PGAP2: variants seen among roughly 807,000 people sequenced by gnomAD.
PGAP2 encodes the protein post-GPI attachment to proteins 2, also known as acyltransferase PGAP2.
Under a neutral mutation model 33.2 loss-of-function variants are expected in PGAP2, and 21 were observed. The observed-to-expected ratio is 0.63, with a 90% confidence interval of 0.45 to 0.91. PGAP2 has a LOEUF of 0.91. Ranked by LOEUF, PGAP2 falls within the 40% of genes least tolerant of loss-of-function variation. PGAP2 has a pLI of 0.00. For missense variants in PGAP2, 345 were observed against 424.0 expected, an observed-to-expected ratio of 0.81 and a Z score of 1.64; for synonymous variants, 161 against 172.9, an observed-to-expected ratio of 0.93 and a Z score of 0.54.
At chr11:3,806,759 T>C (rs1198163217), upstream of PGAP2, among the ~76,000 whole-genome samples, 1 of 152,084 alleles carries the variant, frequency 6.6e-6, no homozygotes, top group Non-Finnish European at 1.5e-5. Context: ...CGGAGGCTCA[T>C]GCCTGTAATC....
At chr11:3,823,824 G>T in intron 3 of PGAP2, 59 bp from the exon 4 acceptor site, 1 of 1,596,928 alleles carries the variant, frequency 6.3e-7, no homozygotes, top group Non-Finnish European at 8.5e-7. Flanking sequence ...TGGAGAGAAG[G>T]TTCTCCACAT....
chr11:3,823,373 A>G (rs16929735), intron 3 of PGAP2, among the ~76,000 whole-genome samples: 18,611 of 152,096 alleles, frequency 0.12, 3,765 homozygotes, highest in African/African-American at 0.42. Flanking sequence ...CAGGGGTGCC[A>G]TTCTACCACC....
chr11:3,808,554 C>T, upstream of PGAP2: 1 of 1,394,140 alleles, frequency 7.2e-7, no homozygotes, highest in South Asian at 1.6e-5. Flanking sequence ...CGGCCCCGCC[C>T]CCGCCGTTCG....
chr11:3,802,542 A>G (rs1177130930), intron 1 of PGAP2, among the ~76,000 whole-genome samples: 1 of 152,222 alleles, frequency 6.6e-6, no homozygotes, highest in African/African-American at 2.4e-5. Context: ...CTGGCCAAGG[A>G]AAGTCCAGCT....
chr11:3,803,571 GC>G (rs2083826834), upstream of PGAP2, among the ~76,000 whole-genome samples: 4 of 151,846 alleles, frequency 2.6e-5, no homozygotes, highest in African/African-American at 9.7e-5. Context: ...GGGATTACAG[GC>G]TTCCACCACC....
In PGAP2 at chr11:3,825,374, C is replaced by T. The variant is rs1379352144; in HGVS notation, c.864C>T (p.Asn288=). The change falls in exon 7 of 7, where the codon AAC becomes AAT. Residue 288 remains asparagine (N), a synonymous_variant. Coordinates refer to ENST00000278243, the MANE Select transcript of PGAP2 (RefSeq NM_014489.4). ...AILEYTVVLT[N]MAFHMTAWWD... ...TGGAGTACACTGTTGTCTTAACCAACATGGCGTTCCACATGACGGCCTGGT... is the reference window on the plus strand; with the variant it reads ...TGGAGTACACTGTTGTCTTAACCAATATGGCGTTCCACATGACGGCCTGGT... 6.2e-7 allele frequency: 1 copy of T among 1,613,908 alleles called. No individual in the cohort carries two copies. Among genetic ancestry groups the T allele is most frequent in the Non-Finnish European group, 8.5e-7 (1 of 1,179,860 alleles).
In PGAP2 at chr11:3,824,494, A is replaced by G. The variant is rs533456378; in HGVS notation, c.708+118A>G. Reference sequence around the variant, plus strand: ...TGAGTTCTAATGGGAACCCTGGCAGAGGGGTGCTGGGGTTGGGGCTGGGGC... The same window carrying G: ...TGAGTTCTAATGGGAACCCTGGCAGGGGGGTGCTGGGGTTGGGGCTGGGGC... On this transcript the variant is annotated intron_variant, in intron 5 of 6. Transcript: ENST00000278243. The G allele has an allele frequency of 1.5e-4, 211 of 1,433,360 alleles. 2 individuals are homozygous for G. In the African/African-American group the frequency reaches 2.8e-3, roughly 19 times the overall value. 88.8% of individuals were successfully genotyped at this position (1,433,360 alleles called of 1,614,324 possible).
intron 3 of PGAP2, among the ~76,000 whole-genome samples, chr11:3,821,427 T>C (rs1292023513): frequency 6.6e-6 from 1 of 152,232 alleles, no homozygotes; most frequent in African/African-American, 2.4e-5. Flanking sequence ...GTGTGGGCAA[T>C]GGACTGGCCA....
chr11:3,808,072 C>T (rs1243271228), upstream of PGAP2: 3 of 1,422,092 alleles, frequency 2.1e-6, no homozygotes, highest in African/African-American at 2.9e-5. Context: ...CTCACCGGGT[C>T]TCACTGCCTG....
At chr11:3,807,449 G>A (rs1392016827), upstream of PGAP2, among the ~76,000 whole-genome samples, 1 of 150,134 alleles carries the variant, frequency 6.7e-6, no homozygotes, top group African/African-American at 2.4e-5. Context: ...CTGGGATTAC[G>A]GGCGCCCGCC....
intron 3 of PGAP2, chr11:3,822,773 AAG>A: frequency 3.8e-6 from 2 of 533,254 alleles, no homozygotes; most frequent in Non-Finnish European, 6.7e-6. Flanking sequence ...CCTGGAGTCT[AAG>A]AGAGCCTCTT....
chr11:3,801,203 A>G (rs938192896), intron 1 of PGAP2, among the ~76,000 whole-genome samples: 5 of 152,122 alleles, frequency 3.3e-5, no homozygotes, highest in African/African-American at 1.2e-4. Flanking sequence ...CTGAACCTCA[A>G]TTTTCTTTTG....
rs1270334058 is a variant in PGAP2 at position 3,811,355 on chromosome 11, C to T, written c.96C>T (p.Val32=). 9 of 1,614,032 alleles carry T rather than the reference C, an allele frequency of 5.6e-6. No homozygotes were observed. In the African/African-American group the frequency reaches 6.7e-5, roughly 12 times the overall value. The part of the protein sequence containing the change: ...VALVTVCCPL[V]AFLFCILWSL... ...TGGTCACGGTCTGCTGTCCACTTGT[C>T]GCCTTCCTCTTCTGCATCCTCTGGT... Residue 32 remains valine, a synonymous_variant, in exon 2 of 7, where the codon GTC becomes GTT. Transcript: ENST00000278243. This position sits in a 1 kb window ranked among gnomAD's most constrained non-coding sequence, Gnocchi z 4.6.
chr11:3,817,804 C>T (rs2134701041), intron 3 of PGAP2: 1 of 593,744 alleles, frequency 1.7e-6, no homozygotes, highest in African/African-American at 1.8e-5. Context: ...CTCAGCACCT[C>T]GGGAGGGCGA....
intron 2 of PGAP2, 132 bp from the exon 3 acceptor site, chr11:3,817,221 C>T (rs1590301175): frequency 1.4e-6 from 1 of 710,044 alleles, no homozygotes; most frequent in African/African-American, 1.8e-5. Context: ...CTTCCTTTTC[C>T]CCTTATGCCT....
At chr11:3,821,515 T>C (rs561116328) in intron 3 of PGAP2, among the ~76,000 whole-genome samples, 14 of 152,316 alleles carry the variant, frequency 9.2e-5, no homozygotes, top group Non-Finnish European at 1.8e-4. Context: ...CCCAGCACTT[T>C]GGGAGGCCGA....
chr11:3,821,080 C>G (rs2088508668), intron 3 of PGAP2, among the ~76,000 whole-genome samples: 1 of 152,242 alleles, frequency 6.6e-6, no homozygotes, highest in South Asian at 2.1e-4. Flanking sequence ...GTATCTCAAG[C>G]TATGGCTTTG....
In PGAP2 at chr11:3,817,461, G is replaced by A. The variant is rs1448985331; in HGVS notation, c.274G>A (p.Val92Met). 6.2e-7 allele frequency: 1 copy of A among 1,614,144 alleles called. No individual in the cohort carries two copies. Among genetic ancestry groups the A allele is most frequent in the East Asian group, 2.2e-5 (1 of 44,878 alleles). The stretch of plus-strand genomic sequence containing the variant: ...GGTCTGGTGGGCCATCACTTTTCCT[G>A]TGTTCGGCTTCTTCTTCTGCATCAT... ...AMVWWAITFP[V>M]FGFFFCIIWS... is the part of the protein sequence containing the mutation. The change falls in exon 3 of 7, where the codon GTG (valine) becomes ATG (methionine). Residue 92 changes from valine to methionine, a missense_variant. Coordinates refer to ENST00000278243, the MANE Select transcript of PGAP2 (RefSeq NM_014489.4).
At chr11:3,808,108 A>G (rs2084758184), upstream of PGAP2, 1 of 1,453,800 alleles carries the variant, frequency 6.9e-7, no homozygotes, top group South Asian at 1.4e-5. Context: ...CATTGCTGAA[A>G]TGTCCCCAAC....
Sources: allele counts gnomAD v4.1 joint callset (sites outside exome capture counted in the v4.1 genomes callset), GRCh38; gene constraint gnomAD v4.1.1; non-coding constraint Gnocchi (gnomAD v3.1); transcripts MANE v1.5; gene names NCBI Gene and HGNC (gene_info 2026-07-23, HGNC 2026-07-21).